Variants in CDH13 observed in about 807,000 individuals in gnomAD.
The protein encoded by CDH13 is cadherin-13.
CDH13 carries 24 observed loss-of-function variants against 63.8 expected under a neutral mutation model. The ratio of observed to expected loss-of-function variants is 0.38; its 90% CI spans 0.27 to 0.53. The LOEUF is 0.53. CDH13 is among the 20% of genes least tolerant of loss of function. The pLI is 0.85. For missense variants in CDH13, 1,049 were observed against 903.1 expected (o/e 1.16, Z -2.07); for synonymous variants, 503 against 355.3 (o/e 1.42, Z -4.67).
intron 6 of CDH13, among the ~76,000 whole-genome samples, chr16:83,420,978 G>C (rs1166995152): frequency 6.6e-6 from 1 of 152,196 alleles, no homozygotes; most frequent in Non-Finnish European, 1.5e-5. Context: ...TGCCTGCTTT[G>C]TTCTAGCCAT....
intron 4 of CDH13, among the ~76,000 whole-genome samples, chr16:83,216,415 T>TATATATATATAC (rs2039519350): frequency 1.1e-5 from 1 of 88,062 alleles, no homozygotes; most frequent in Non-Finnish European, 2.3e-5. Context: ...TATATATATA[T>TATATATATATAC]ATATATATAT....
At chr16:83,121,925 G>T (rs566374308) in intron 3 of CDH13, among the ~76,000 whole-genome samples, 109 of 151,540 alleles carry the variant, frequency 7.2e-4, no homozygotes, top group African/African-American at 2.6e-3. Flanking sequence ...CTTGTTTCCT[G>T]TTTGAACTTT....
chr16:83,579,748 G>T (rs989767442), intron 7 of CDH13, among the ~76,000 whole-genome samples: 1 of 152,000 alleles, frequency 6.6e-6, no homozygotes, highest in African/African-American at 2.4e-5. Flanking sequence ...CCCTTGATAG[G>T]CTCACAGGAC....
intron 13 of CDH13, among the ~76,000 whole-genome samples, chr16:83,784,611 G>A (rs1281759197): frequency 1.4e-5 from 2 of 138,864 alleles, no homozygotes; most frequent in African/African-American, 2.8e-5. Flanking sequence ...CAACCTGGGT[G>A]ACAGAGCAAG....
At chr16:82,946,458 GCCTGTAATC>G (rs2151316591) in intron 2 of CDH13, among the ~76,000 whole-genome samples, 1 of 152,258 alleles carries the variant, frequency 6.6e-6, no homozygotes, top group East Asian at 1.9e-4. Context: ...GGTGGCTGAT[GCCTGTAATC>G]CCAGCACTTT....
chr16:82,955,720 A>G (rs942436052), intron 2 of CDH13, among the ~76,000 whole-genome samples: 2 of 152,228 alleles, frequency 1.3e-5, no homozygotes, highest in African/African-American at 2.4e-5. Context: ...ACTAGAAGAT[A>G]CAGCATTTAG....
intron 3 of CDH13, among the ~76,000 whole-genome samples, chr16:83,052,222 G>T (rs544919168): frequency 2.6e-5 from 4 of 152,102 alleles, no homozygotes; most frequent in African/African-American, 4.8e-5. Context: ...AGCACCTAAT[G>T]ATACATTATT....
At chr16:82,979,771 T>C (rs1910015470) in intron 2 of CDH13, among the ~76,000 whole-genome samples, 1 of 152,194 alleles carries the variant, frequency 6.6e-6, no homozygotes, top group South Asian at 2.1e-4. Flanking sequence ...GTGAGCTTTT[T>C]CCTGCCTTGC....
intron 6 of CDH13, among the ~76,000 whole-genome samples, chr16:83,360,883 C>T (rs953498143): frequency 7.2e-5 from 11 of 152,140 alleles, no homozygotes; most frequent in African/African-American, 2.7e-4. Context: ...GATTCCATGT[C>T]TTTGCTATTT....
At chr16:82,857,938 A>C (rs2039771749) in intron 1 of CDH13, among the ~76,000 whole-genome samples, 1 of 152,156 alleles carries the variant, frequency 6.6e-6, no homozygotes, top group South Asian at 2.1e-4. Context: ...TTCCTTTTAG[A>C]AGTAAATTCC....
chr16:83,151,360 C>G (rs2036972036), intron 4 of CDH13, among the ~76,000 whole-genome samples: 1 of 152,198 alleles, frequency 6.6e-6, no homozygotes, highest in Non-Finnish European at 1.5e-5. Flanking sequence ...CTTCTTCTGT[C>G]TTCTCTGTGC....
intron 10 of CDH13, among the ~76,000 whole-genome samples, chr16:83,738,922 G>T (rs901749996): frequency 6.6e-6 from 1 of 152,116 alleles, no homozygotes; most frequent in Non-Finnish European, 1.5e-5. Context: ...AAAAGGGGGG[G>T]TTTAGGAGAA....
At position 82,888,772 on chromosome 16, in the gene CDH13, C is replaced by T. The variant is rs145228155; in HGVS notation, c.157+30299C>T. ...GCTGCCCCTAAGTGTAGTTAAGCCC[C>T]GTGAAATGTAAACTTCGCAAGTAAA... On this transcript the variant is annotated intron_variant, in intron 2 of 13. Coordinates refer to ENST00000567109, the MANE Select transcript of CDH13 (RefSeq NM_001257.5). Among the ~76,000 whole-genome samples, 559 of 152,268 alleles carry T rather than the reference C, an allele frequency of 3.7e-3. 1 individual carries two copies. Among genetic ancestry groups the T allele is most frequent in the African/African-American group, 0.012 (483 of 41,550 alleles).
chr16:83,152,162 C>CA (rs2037010279), intron 4 of CDH13, among the ~76,000 whole-genome samples: 1 of 152,178 alleles, frequency 6.6e-6, no homozygotes, highest in African/African-American at 2.4e-5. Context: ...AATACATACT[C>CA]AAAACTGTGG....
rs778118910 is a variant in CDH13, at chr16:83,031,998, T to G, written c.158-12T>G. The G allele has an allele frequency of 6.4e-7, 1 of 1,569,374 alleles. No individual in the cohort carries two copies. Among genetic ancestry groups the G allele is most frequent in the Admixed American group, 1.9e-5 (1 of 53,336 alleles). On this transcript the variant is annotated splice_polypyrimidine_tract_variant and intron_variant, in intron 2 of 13. Transcript: ENST00000567109. Reference sequence around the variant, plus strand: ...TACTCATGCTCCTTCTGTTGTTTCGTTTGTTTCCCAGTGACCTTCAGTGAC... The same window carrying G: ...TACTCATGCTCCTTCTGTTGTTTCGGTTGTTTCCCAGTGACCTTCAGTGAC...
chr16:82,913,571 T>C (rs893389644), intron 2 of CDH13, among the ~76,000 whole-genome samples: 2 of 152,042 alleles, frequency 1.3e-5, no homozygotes, highest in South Asian at 2.1e-4. Flanking sequence ...ATGAGGCAAT[T>C]TGGGGAAACA....
intron 7 of CDH13, among the ~76,000 whole-genome samples, chr16:83,544,272 A>G (rs6563927): frequency 0.23 from 34,781 of 152,032 alleles, 3,959 homozygotes; most frequent in Admixed American, 0.27. Flanking sequence ...AACCCAGTCT[A>G]TAGGACGATT....
At chr16:82,968,475 T>A (rs1419283160) in intron 2 of CDH13, among the ~76,000 whole-genome samples, 1 of 152,196 alleles carries the variant, frequency 6.6e-6, no homozygotes, top group Non-Finnish European at 1.5e-5. Context: ...CTAAGAAGCA[T>A]ACTCATGGCC....
rs1206166058 is a variant in CDH13, at chr16:82,889,706, C to T, written c.157+31233C>T. 2.0e-5 allele frequency among the ~76,000 whole-genome samples: 3 copies of T among 152,134 alleles called. No individual in the cohort carries two copies. In the East Asian group the frequency reaches 5.8e-4, roughly 29 times the overall value. On this transcript the variant is annotated intron_variant, in intron 2 of 13. Coordinates refer to ENST00000567109, the MANE Select transcript of CDH13 (RefSeq NM_001257.5). ...AGGGTTACACATGACAGAGTTGGCTCTGTCTATGTTGTACTTAATATTATT... is the reference window on the plus strand; with the variant it reads ...AGGGTTACACATGACAGAGTTGGCTTTGTCTATGTTGTACTTAATATTATT...
Sources: allele counts gnomAD v4.1 joint callset (sites outside exome capture counted in the v4.1 genomes callset), GRCh38; gene constraint gnomAD v4.1.1; transcripts MANE v1.5; gene names NCBI Gene and HGNC (gene_info 2026-07-23, HGNC 2026-07-21).